PPP2R5C: variants seen among roughly 807,000 people sequenced by gnomAD.
PPP2R5C encodes the protein protein phosphatase 2 regulatory subunit B'gamma, also known as serine/threonine-protein phosphatase 2A 56 kDa regulatory subunit gamma isoform.
A neutral mutation model predicts 68.9 loss-of-function variants in PPP2R5C; 7 were observed. The ratio of observed to expected loss-of-function variants is 0.10; its 90% CI spans 0.06 to 0.19. The LOEUF (loss-of-function observed/expected upper bound fraction) is 0.19, where lower values mean the gene tolerates loss of function less well. PPP2R5C is among the 10% of genes least tolerant of loss of function. The probability of loss-of-function intolerance (pLI) is 1.00; values close to 1 mark genes in which losing one functional copy is unlikely to be tolerated. For synonymous variants in PPP2R5C, 210 were observed against 222.2 expected (o/e 0.95, Z 0.49); for missense variants, 348 against 641.3 (o/e 0.54, Z 4.94).
At chr14:101,909,454 G>A (rs1001716324) in intron 10 of PPP2R5C, 135 bp from the exon 13 acceptor site, 3 of 523,308 alleles carry the variant, frequency 5.7e-6, no homozygotes, top group Non-Finnish European at 1.1e-5. Context: ...CGCGGAATGA[G>A]CAGGCCTTGC....
At position 101,842,375 on chromosome 14, in the gene PPP2R5C, C is replaced by T. The variant is rs114202584; in HGVS notation, c.95-14311C>T. Among the ~76,000 whole-genome samples, 1,057 of 152,284 alleles carry T rather than the reference C, an allele frequency of 6.9e-3. 15 individuals carry two copies. Among genetic ancestry groups the T allele is most frequent in the African/African-American group, 0.023 (958 of 41,556 alleles). On this transcript the variant is annotated intron_variant, in intron 1 of 13. Coordinates refer to ENST00000334743, the Ensembl canonical transcript of PPP2R5C. ...AACAGGAGGAGAGGGCAGGAGCGCC[C>T]GTGGGCTCTCAGTGGCTACGTTGCT...
intron 10 of PPP2R5C, among the ~76,000 whole-genome samples, chr14:101,908,914 A>G (rs551508189): frequency 1.3e-5 from 2 of 152,244 alleles, no homozygotes; most frequent in South Asian, 4.1e-4. Flanking sequence ...TTTGGGATTT[A>G]TTTGTTTTTA....
intron 1 of PPP2R5C, among the ~76,000 whole-genome samples, chr14:101,854,435 G>A (rs1048882129): frequency 3.3e-5 from 5 of 152,216 alleles, no homozygotes; most frequent in African/African-American, 4.8e-5. Context: ...GGAGTAAGAG[G>A]TACTAAGCAG....
chr14:101,791,894 T>G (rs1201279843), intron 3 of PPP2R5C, among the ~76,000 whole-genome samples: 1 of 152,110 alleles, frequency 6.6e-6, no homozygotes, highest in Non-Finnish European at 1.5e-5. Context: ...TGTACCTGAT[T>G]TTTTTTATTG....
intron 2 of PPP2R5C, among the ~76,000 whole-genome samples, chr14:101,782,046 TCCC>T (rs1375307180): frequency 9.7e-6 from 1 of 103,296 alleles, no homozygotes; most frequent in Non-Finnish European, 2.0e-5. Flanking sequence ...CCTCCCTCTC[TCCC>T]CCTTCTCTCT....
At chr14:101,900,391 T>C (rs2045608122) in intron 8 of PPP2R5C, among the ~76,000 whole-genome samples, 1 of 152,224 alleles carries the variant, frequency 6.6e-6, no homozygotes, top group Non-Finnish European at 1.5e-5. Flanking sequence ...TGGAAATGAC[T>C]AGTGAGTGAA....
chr14:101,919,531 C>CA (rs1327022079), intron 13 of PPP2R5C, among the ~76,000 whole-genome samples: 2 of 152,004 alleles, frequency 1.3e-5, no homozygotes, highest in Non-Finnish European at 2.9e-5. Context: ...TTTGTGGCTT[C>CA]AAATTTGCTC....
intron 2 of PPP2R5C, among the ~76,000 whole-genome samples, chr14:101,875,686 A>G (rs1201883114): frequency 1.3e-5 from 2 of 152,222 alleles, no homozygotes; most frequent in African/African-American, 4.8e-5. Context: ...GGAAAGGGGT[A>G]GTATCTCCCT....
At chr14:101,912,561 G>T in intron 12 of PPP2R5C, 88 bp downstream of exon 14, 10 of 1,409,186 alleles carry the variant, frequency 7.1e-6, no homozygotes, top group Non-Finnish European at 9.3e-6. Flanking sequence ...CATGGGGGGG[G>T]TCTCGATTTC....
At chr14:101,812,759 T>G (rs951380787) in intron 1 of PPP2R5C, among the ~76,000 whole-genome samples, 1 of 152,224 alleles carries the variant, frequency 6.6e-6, no homozygotes, top group African/African-American at 2.4e-5. Context: ...AGGGTTCTAA[T>G]GTGGATATGA....
Position 101,847,939 on chromosome 14 carries a change from C to T in PPP2R5C, c.95-8747C>T, listed in dbSNP as rs562363508. 2.5e-4 allele frequency among the ~76,000 whole-genome samples: 38 copies of T among 152,178 alleles called. 1 individual carries two copies. The highest frequency in any genetic ancestry group is 8.2e-4 in the African/African-American group (34 of 41,522). On this transcript the variant is annotated intron_variant, in intron 1 of 13. Coordinates refer to ENST00000334743, the Ensembl canonical transcript of PPP2R5C. Reference sequence around the variant, plus strand: ...GCCTTCCAAAGTGCTGGGATTACTGCGCCACTGTGCCCGGCATGAGCCAGG... The same window carrying T: ...GCCTTCCAAAGTGCTGGGATTACTGTGCCACTGTGCCCGGCATGAGCCAGG...
intron 1 of PPP2R5C, among the ~76,000 whole-genome samples, chr14:101,762,468 C>T (rs2036602369): frequency 6.6e-6 from 1 of 151,598 alleles, no homozygotes; most frequent in Admixed American, 6.6e-5. Context: ...TGGGTGGCGG[C>T]GGCGGTGAGG....
Position 101,880,321 on chromosome 14 carries a change from G to A in PPP2R5C, c.295-1840G>A, listed in dbSNP as rs367846067. Among the ~76,000 whole-genome samples the A allele has an allele frequency of 4.4e-4, 67 of 152,172 alleles. 1 individual carries two copies. The South Asian group carries it at 0.01, about 24-fold the overall frequency. On this transcript the variant is annotated intron_variant, in intron 2 of 13. Transcript: ENST00000334743. The stretch of plus-strand genomic sequence containing the variant: ...TTTCAGCCCCTTTTTTCATCCCTGC[G>A]TTTCTACAGTATCCGTGAAGGCCAT...
chr14:101,924,589 C>T (rs531470733), intron 13 of PPP2R5C, among the ~76,000 whole-genome samples: 111 of 151,678 alleles, frequency 7.3e-4, no homozygotes, highest in Non-Finnish European at 1.2e-3. Context: ...ATTACAGGCG[C>T]GCGCCACTAC....
chr14:101,907,731 G>A lies in PPP2R5C; in HGVS notation c.1151+1202G>A, dbSNP rs1026417446. ...CTGGCCCGGTGCGGTCTCCTAACTC[G>A]CAGTGTCTATTGGGCACCCCTCTGG... On this transcript the variant is annotated intron_variant, in intron 10 of 13. Coordinates refer to ENST00000334743, the Ensembl canonical transcript of PPP2R5C. Among the ~76,000 whole-genome samples the A allele has an allele frequency of 5.3e-5, 8 of 152,148 alleles. 1 individual carries two copies. The highest frequency in any genetic ancestry group is 7.4e-5 in the Non-Finnish European group (5 of 68,026).
At chr14:101,809,856 GC>G (rs1451671797), upstream of PPP2R5C, 1 of 1,533,162 alleles carries the variant, frequency 6.5e-7, no homozygotes, top group Non-Finnish European at 8.8e-7. Context: ...GCTGCAGAGA[GC>G]TTCAGTTTGT....
At position 101,797,351 on chromosome 14, in the gene PPP2R5C, A is replaced by G; in HGVS notation, c.259+11168A>G. ...GTGGGTTGCAGAGCACGCCACACAC[A>G]TTCAGTCAGTACACGAGTTAACAGT... is the stretch of plus-strand genomic sequence containing the variant. On this transcript the variant is annotated intron_variant, in intron 3 of 14. Coordinates refer to the PPP2R5C transcript ENST00000328724. The surrounding 1 kb of genome is among the most constrained non-coding windows in gnomAD (Gnocchi z 4.2). The G allele has an allele frequency of 2.2e-6, 1 of 455,380 alleles. No individual in the cohort carries two copies. Among genetic ancestry groups the G allele is most frequent in the South Asian group, 1.5e-5 (1 of 64,522 alleles). 28.2% of individuals were successfully genotyped at this position (455,380 alleles called of 1,614,324 possible). A position where few individuals can be genotyped will look rare whatever the true frequency, so the allele number is the denominator to read the frequency against.
intron 1 of PPP2R5C, chr14:101,819,847 CCCCTGGGCTCAAAT>C (rs1292697632): frequency 6.6e-6 from 1 of 152,260 alleles, no homozygotes; most frequent in African/African-American, 2.4e-5. Flanking sequence ...TGGTCTCAAA[CCCCTGGGCTCAAAT>C]GATCCTCCTG....
chr14:101,829,396 A>G (rs1342801249), intron 1 of PPP2R5C, among the ~76,000 whole-genome samples: 2 of 151,954 alleles, frequency 1.3e-5, no homozygotes, highest in Non-Finnish European at 2.9e-5. Flanking sequence ...GATTTCATTT[A>G]TAGGTCTTAC....
Sources: gnomAD v4.1 joint callset for allele counts (sites outside exome capture counted in the v4.1 genomes callset) on GRCh38, gnomAD v4.1.1 for gene constraint, Gnocchi (gnomAD v3.1) non-coding constraint, MANE v1.5 for transcripts, NCBI Gene and HGNC (gene_info 2026-07-23, HGNC 2026-07-21) for gene names.